The following MEF2C variants were observed in gnomAD, a reference collection of about 807,000 sequenced individuals.
The protein encoded by MEF2C is myocyte enhancer factor 2C, also known as myocyte-specific enhancer factor 2C.
In MEF2C, 6 loss-of-function variants were observed where a neutral mutation model predicts 50.5. That is an observed-to-expected ratio of 0.12 (90% confidence interval 0.07 to 0.23). The LOEUF (loss-of-function observed/expected upper bound fraction) is 0.23. MEF2C is among the 10% of genes least tolerant of loss of function. The pLI, the probability that MEF2C is intolerant of heterozygous loss-of-function variation, is 1.00. For synonymous variants in MEF2C, 183 were observed against 228.0 expected, an observed-to-expected ratio of 0.80 and a Z score of 1.78; for missense variants, 276 against 605.0, an observed-to-expected ratio of 0.46 and a Z score of 5.70.
At chr5:88,725,244 CT>C (rs1368951510) in intron 10 of MEF2C, among the ~76,000 whole-genome samples, 1 of 151,974 alleles carries the variant, frequency 6.6e-6, no homozygotes, top group Non-Finnish European at 1.5e-5. Context: ...TTAAATTTAT[CT>C]TTTGGTGGAA....
chr5:88,856,459 T>C (rs1823384627), intron 1 of MEF2C, among the ~76,000 whole-genome samples: 1 of 152,186 alleles, frequency 6.6e-6, no homozygotes, highest in Admixed American at 6.5e-5. Flanking sequence ...TTTGCATCAG[T>C]AACAAGAAGC....
At chr5:88,765,505 G>A (rs1260542868) in intron 3 of MEF2C, among the ~76,000 whole-genome samples, 2 of 152,194 alleles carry the variant, frequency 1.3e-5, no homozygotes, top group Non-Finnish European at 2.9e-5. Flanking sequence ...ATTTCTGTTA[G>A]ATTCAGCCAA....
intron 3 of MEF2C, among the ~76,000 whole-genome samples, chr5:88,790,159 T>A (rs1793035829): frequency 6.6e-6 from 1 of 152,174 alleles, no homozygotes; most frequent in Non-Finnish European, 1.5e-5. Context: ...TATGAATGTA[T>A]CACACTTCCA....
At chr5:88,791,537 T>G (rs1793754464) in intron 3 of MEF2C, among the ~76,000 whole-genome samples, 1 of 152,186 alleles carries the variant, frequency 6.6e-6, no homozygotes, top group Admixed American at 6.6e-5. Flanking sequence ...TCAGTTTTAT[T>G]GCCTCACATT....
At chr5:88,860,270 T>C (rs1002111433) in intron 1 of MEF2C, among the ~76,000 whole-genome samples, 1 of 152,052 alleles carries the variant, frequency 6.6e-6, no homozygotes, top group African/African-American at 2.4e-5. Flanking sequence ...AAGGGGGCAA[T>C]CCTGCTACTT....
chr5:88,846,868 G>C lies in MEF2C; in HGVS notation c.-142-22938C>G, dbSNP rs956971622. Reference sequence around the variant, plus strand: ...AATGGATATAGTCTGGCAGGAAAGAGGTTTTAAATATTCTACTTTGAAAAT... The same window carrying C: ...AATGGATATAGTCTGGCAGGAAAGACGTTTTAAATATTCTACTTTGAAAAT... On this transcript the variant is annotated intron_variant, in intron 1 of 10. Coordinates refer to ENST00000504921, the MANE Select transcript of MEF2C (RefSeq NM_002397.5). 3.3e-5 allele frequency among the ~76,000 whole-genome samples: 5 copies of C among 152,172 alleles called. No homozygotes were observed. In the East Asian group the frequency reaches 9.6e-4, roughly 29 times the overall value.
intron 1 of MEF2C, among the ~76,000 whole-genome samples, chr5:88,857,453 T>C (rs1047570533): frequency 5.3e-5 from 8 of 152,198 alleles, no homozygotes; most frequent in African/African-American, 1.4e-4. Context: ...TGGGGGACTG[T>C]TGGAAAGGCA....
intron 9 of MEF2C, 56 bp from the exon 10 acceptor site, chr5:88,728,684 G>T: frequency 8.4e-7 from 1 of 1,190,842 alleles, no homozygotes; most frequent in Non-Finnish European, 1.1e-6. Flanking sequence ...ATTATCAAAT[G>T]GTAAATAGAA....
chr5:88,855,110 C>A (rs1338046625), intron 1 of MEF2C, among the ~76,000 whole-genome samples: 2 of 152,112 alleles, frequency 1.3e-5, no homozygotes, highest in Non-Finnish European at 2.9e-5. Context: ...GAAGAAGAGA[C>A]ACAAATTTAA....
intron 1 of MEF2C, among the ~76,000 whole-genome samples, chr5:88,851,562 C>T (rs1442783519): frequency 3.9e-5 from 6 of 152,106 alleles, no homozygotes; most frequent in African/African-American, 1.4e-4. Context: ...ACTAAACCCA[C>T]TCAATATAAA....
chr5:88,903,648 C>A (rs1461919410), intron 1 of MEF2C, among the ~76,000 whole-genome samples: 1 of 151,930 alleles, frequency 6.6e-6, no homozygotes, highest in Non-Finnish European at 1.5e-5. Context: ...GTAATTAACT[C>A]TTCATCTTCC....
At chr5:88,860,329 T>A (rs1196622133) in intron 1 of MEF2C, among the ~76,000 whole-genome samples, 1 of 152,050 alleles carries the variant, frequency 6.6e-6, no homozygotes, top group Non-Finnish European at 1.5e-5. Flanking sequence ...TATGCTTTTT[T>A]TTTTTTTTAT....
upstream of MEF2C, chr5:88,883,674 C>G (rs1000029734): frequency 6.6e-6 from 1 of 152,074 alleles, no homozygotes; most frequent in African/African-American, 2.4e-5. Flanking sequence ...CTGCCTTTTT[C>G]TCTCCGTCTC....
chr5:88,784,844 T>G (rs1395720786), intron 3 of MEF2C, among the ~76,000 whole-genome samples: 1 of 152,158 alleles, frequency 6.6e-6, no homozygotes, highest in Non-Finnish European at 1.5e-5. Flanking sequence ...TTTCCATGCC[T>G]GCAGTAAAGA....
chr5:88,788,790 A>G (rs924262101), intron 3 of MEF2C, among the ~76,000 whole-genome samples: 2 of 152,248 alleles, frequency 1.3e-5, no homozygotes, highest in Non-Finnish European at 2.9e-5. Context: ...AAGAAAATTT[A>G]CATGACACAA....
intron 6 of MEF2C, chr5:88,738,161 C>A (rs952467706): frequency 1.0e-6 from 1 of 985,082 alleles, no homozygotes; most frequent in Non-Finnish European, 1.2e-6. Flanking sequence ...CCCTACAGAG[C>A]CTTAGTTTTC....
chr5:88,741,783 G>T (rs1274131213), intron 6 of MEF2C: 2 of 984,820 alleles, frequency 2.0e-6, no homozygotes, highest in Admixed American at 6.2e-5. Flanking sequence ...TAAAAAGAAG[G>T]CATAATGTCT....
chr5:88,870,722 G>T (rs963388188), intron 1 of MEF2C, among the ~76,000 whole-genome samples: 2 of 152,020 alleles, frequency 1.3e-5, no homozygotes, highest in African/African-American at 4.8e-5. Flanking sequence ...ATTGACTCCG[G>T]TTTTGGGTTA....
chr5:88,840,896 T>A (rs1817093433), intron 1 of MEF2C, among the ~76,000 whole-genome samples: 1 of 152,230 alleles, frequency 6.6e-6, no homozygotes, highest in Non-Finnish European at 1.5e-5. Context: ...GTTGAAATTA[T>A]ACCTATCCTT....
Sources: gnomAD v4.1 joint callset for allele counts (sites outside exome capture counted in the v4.1 genomes callset) on GRCh38, gnomAD v4.1.1 for gene constraint, MANE v1.5 for transcripts, NCBI Gene and HGNC (gene_info 2026-07-23, HGNC 2026-07-21) for gene names.